The following MDGA1 variants were observed in gnomAD, a reference collection of about 807,000 sequenced individuals.
MDGA1 encodes the protein MAM domain containing glycosylphosphatidylinositol anchor 1.
MDGA1 carries 54 observed loss-of-function variants against 101.5 expected under a neutral mutation model. That is an observed-to-expected ratio of 0.53 (90% CI 0.43 to 0.67). The LOEUF (loss-of-function observed/expected upper bound fraction) is 0.67, where lower values mean the gene tolerates loss of function less well. Among genes scored for constraint, MDGA1 ranks in the 30% least tolerant of loss-of-function variants. The probability of loss-of-function intolerance (pLI) is 0.00; values close to 1 mark genes in which losing one functional copy is unlikely to be tolerated. For missense variants in MDGA1, 1,083 were observed against 1,323.8 expected (o/e 0.82, Z 2.82); for synonymous variants, 533 against 558.3 (o/e 0.95, Z 0.64).
At chr6:37,644,059 A>C (rs1764160525) in intron 13 of MDGA1, 116 bp from the exon 14 acceptor site, 1 of 1,310,650 alleles carries the variant, frequency 7.6e-7, no homozygotes. Flanking sequence ...CGCCCCACGC[A>C]TCCTGCCTCA....
At position 37,632,928 on chromosome 6, in the gene MDGA1, A is replaced by G. The variant is rs905765266; in HGVS notation, c.*4440T>C. 4.6e-5 allele frequency: 7 copies of G among 152,660 alleles called. No individual in the cohort carries two copies. Among genetic ancestry groups the G allele is most frequent in the African/African-American group, 1.7e-4 (7 of 41,398 alleles). 9.5% of individuals were successfully genotyped at this position (152,660 alleles called of 1,614,324 possible). A position where few individuals can be genotyped will look rare whatever the true frequency, so the allele number is the denominator to read the frequency against. ...ATGCATGGAGACCTAGAGGGCCACCAGAGTTGGGCTGAGATGGTGATTATG... is the reference window on the plus strand; with the variant it reads ...ATGCATGGAGACCTAGAGGGCCACCGGAGTTGGGCTGAGATGGTGATTATG... On this transcript the variant is annotated 3_prime_UTR_variant, in exon 17 of 17. Transcript: ENST00000434837.
At position 37,658,366 on chromosome 6, in the gene MDGA1, C is replaced by G. The variant is rs2273110; in HGVS notation, c.261G>C (p.Ser87=). 3.7e-5 allele frequency: 59 copies of G among 1,612,638 alleles called. No individual in the cohort carries two copies. The highest frequency in any genetic ancestry group is 4.3e-5 in the Non-Finnish European group (51 of 1,179,428). ...GSASDKFQET[S]VFNETLRIER... ...CGATGCGCAGCGTCTCGTTGAACACCGATGTCTCCTGGAACTTGTCCGAGG... is the reference window on the plus strand; with the variant it reads ...CGATGCGCAGCGTCTCGTTGAACACGGATGTCTCCTGGAACTTGTCCGAGG... Residue 87 remains serine (S), a synonymous_variant, in exon 3 of 17, where the codon TCG becomes TCC. Coordinates refer to ENST00000434837, the MANE Select transcript of MDGA1 (RefSeq NM_153487.4).
chr6:37,649,845 C>G (rs940322377), intron 8 of MDGA1: 1 of 671,164 alleles, frequency 1.5e-6, no homozygotes, highest in East Asian at 2.9e-5. Context: ...TTCAAAATCC[C>G]ATTTCCACCT....
intron 1 of MDGA1, among the ~76,000 whole-genome samples, chr6:37,665,443 C>T (rs990429821): frequency 6.6e-6 from 1 of 152,198 alleles, no homozygotes; most frequent in Non-Finnish European, 1.5e-5. Flanking sequence ...GGACCTAAGG[C>T]CATGCGAGGC....
chr6:37,676,468 G>A (rs1024374828), intron 1 of MDGA1, among the ~76,000 whole-genome samples: 2 of 152,256 alleles, frequency 1.3e-5, no homozygotes, highest in African/African-American at 4.8e-5. Context: ...AGGCCTGAAT[G>A]TAGGGGCCAA....
chr6:37,680,499 C>G (rs954651078), intron 1 of MDGA1, among the ~76,000 whole-genome samples: 1 of 152,208 alleles, frequency 6.6e-6, no homozygotes, highest in African/African-American at 2.4e-5. Context: ...TGAAGACGAC[C>G]GGACCCTGCA....
intron 1 of MDGA1, among the ~76,000 whole-genome samples, chr6:37,692,916 G>A (rs77314743): frequency 0.013 from 1,930 of 152,298 alleles, 45 homozygotes; most frequent in African/African-American, 0.044. Context: ...TTCCCATCCT[G>A]TAATGTCGGA....
At chr6:37,644,442 C>CCTAGA in intron 13 of MDGA1, 55 bp downstream of exon 13, 1 of 1,468,770 alleles carries the variant, frequency 6.8e-7, no homozygotes, top group East Asian at 2.6e-5. Context: ...GTGCCCTGGG[C>CCTAGA]CTAGACACCC....
intron 7 of MDGA1, among the ~76,000 whole-genome samples, chr6:37,650,971 A>C (rs955771592): frequency 6.6e-6 from 1 of 152,244 alleles, no homozygotes; most frequent in Non-Finnish European, 1.5e-5. Context: ...AGGGCGTTTA[A>C]AAGAAGCTGT....
Position 37,650,269 on chromosome 6 carries a change from T to C in MDGA1, c.1449A>G (p.Ala483=), listed in dbSNP as rs1047020164. Residue 483 remains alanine (A), a synonymous_variant, in exon 8 of 17, where the codon GCA becomes GCG. Transcript: ENST00000434837. ...VLWSRVDKEA[A]LLPSGLPLEE... Reference sequence around the variant, plus strand: ...CCAGGGGCAGCCCCGAGGGCAGCAGTGCAGCCTCCTTGTCCACGCGGGACC... The same window carrying C: ...CCAGGGGCAGCCCCGAGGGCAGCAGCGCAGCCTCCTTGTCCACGCGGGACC... The C allele has an allele frequency of 2.2e-5, 35 of 1,608,258 alleles. No homozygotes were observed. Among genetic ancestry groups the C allele is most frequent in the Non-Finnish European group, 2.9e-5 (34 of 1,178,750 alleles).
At chr6:37,684,792 G>C (rs954225012) in intron 1 of MDGA1, among the ~76,000 whole-genome samples, 3 of 152,152 alleles carry the variant, frequency 2.0e-5, no homozygotes, top group Non-Finnish European at 2.9e-5. Flanking sequence ...AGTGAATTCA[G>C]GTCTTGCCGT....
intron 16 of MDGA1, among the ~76,000 whole-genome samples, 170 bp from the exon 17 acceptor site, chr6:37,637,629 C>G (rs10456455): frequency 2.0e-5 from 3 of 151,940 alleles, no homozygotes; most frequent in Non-Finnish European, 2.9e-5. Flanking sequence ...CATGAGGTGG[C>G]GTGGGGTGGG....
rs572047108 is a variant in MDGA1, at chr6:37,638,339, G to A, written c.2668-26C>T. 1.3e-6 allele frequency: 2 copies of A among 1,580,396 alleles called. No homozygotes were observed. Among genetic ancestry groups the A allele is most frequent in the South Asian group, 1.2e-5 (1 of 86,480 alleles). On this transcript the variant is annotated intron_variant, in intron 15 of 16. Coordinates refer to ENST00000434837, the MANE Select transcript of MDGA1 (RefSeq NM_153487.4). The surrounding 1 kb of genome is among the most constrained non-coding windows in gnomAD (Gnocchi z 4.8). ...CTGGGGTGGGGTCAGAAAGCAAGGA[G>A]CAAGGGTTGAGGAGGTTCTGCTGGG... is the stretch of plus-strand genomic sequence containing the variant.
rs568646422 is a variant in MDGA1, at chr6:37,649,579, G to A, written c.1610-313C>T. Among the ~76,000 whole-genome samples, 4 of 152,172 alleles carry A rather than the reference G, an allele frequency of 2.6e-5. No homozygotes were observed. The East Asian group carries it at 7.7e-4, about 29-fold the overall frequency. ...ATGCAGGATAACGCAGGGGTTTCGC[G>A]CATAATCTCTAAAGCTAGATGGGCT... On this transcript the variant is annotated intron_variant, in intron 8 of 16. Coordinates refer to ENST00000434837, the MANE Select transcript of MDGA1 (RefSeq NM_153487.4).
At position 37,655,721 on chromosome 6, in the gene MDGA1, G is replaced by A. The variant is rs749731140; in HGVS notation, c.558C>T (p.Ile186=). Residue 186 remains isoleucine, a synonymous_variant, in exon 4 of 17, where the codon ATC becomes ATT. Coordinates refer to ENST00000434837, the MANE Select transcript of MDGA1 (RefSeq NM_153487.4). This position sits in a 1 kb window ranked among gnomAD's most constrained non-coding sequence, Gnocchi z 5.1. The stretch of plus-strand genomic sequence containing the variant: ...TGACCTGAGTGTAGAGGGGCTCATA[G>A]ATGTCAACCCCATTGTCCTGGCTGT... ...LSHSQDNGVD[I]YEPLYTQGET... The A allele has an allele frequency of 6.2e-7, 1 of 1,611,804 alleles. No individual in the cohort carries two copies. Among genetic ancestry groups the A allele is most frequent in the Non-Finnish European group, 8.5e-7 (1 of 1,178,864 alleles).
At position 37,654,505 on chromosome 6, in the gene MDGA1, C is replaced by G. The variant is rs780937948; in HGVS notation, c.751G>C (p.Val251Leu). The G allele has an allele frequency of 1.2e-6, 2 of 1,613,914 alleles. No individual in the cohort carries two copies. The highest frequency in any genetic ancestry group is 3.3e-5 in the Admixed American group (2 of 60,014). ...ALKLSVNETL[V>L]VNPGENVTVQ... ...GTCACATTCTCCCCAGGGTTCACCACCAGAGTTTCGTTCACAGACAGCTTC... is the reference window on the plus strand; with the variant it reads ...GTCACATTCTCCCCAGGGTTCACCAGCAGAGTTTCGTTCACAGACAGCTTC... The change falls in exon 6 of 17, where the codon GTG becomes CTG. Residue 251 changes from valine (V) to leucine (L), a missense_variant. Val to Leu is a conservative substitution (Grantham distance 32, BLOSUM62 1). Transcript: ENST00000434837.
intron 1 of MDGA1, among the ~76,000 whole-genome samples, chr6:37,679,101 C>T (rs1458676350): frequency 1.3e-5 from 2 of 152,066 alleles, no homozygotes; most frequent in African/African-American, 2.4e-5. Flanking sequence ...TATTTTTTCT[C>T]CATCACTGAA....
At position 37,670,496 on chromosome 6, in the gene MDGA1, G is replaced by A. The variant is rs567896472; in HGVS notation, c.68-6390C>T. Among the ~76,000 whole-genome samples the A allele has an allele frequency of 4.6e-5, 7 of 152,236 alleles. No homozygotes were observed. The South Asian group carries it at 1.4e-3, about 31-fold the overall frequency. On this transcript the variant is annotated intron_variant, in intron 1 of 16. Coordinates refer to ENST00000434837, the MANE Select transcript of MDGA1 (RefSeq NM_153487.4). ...CACTTGGCTGTGTGGCTTTCAGCAAGTTACTTAAGCCTTAGTTTTCTCATT... is the reference window on the plus strand; with the variant it reads ...CACTTGGCTGTGTGGCTTTCAGCAAATTACTTAAGCCTTAGTTTTCTCATT...
Position 37,645,660 on chromosome 6 carries a change from G to A in MDGA1, c.2248+273C>T, listed in dbSNP as rs144018293. Among the ~76,000 whole-genome samples, 17 of 152,294 alleles carry A rather than the reference G, an allele frequency of 1.1e-4. 1 individual carries two copies. The highest frequency in any genetic ancestry group is 7.8e-4 in the Admixed American group (12 of 15,300). Reference sequence around the variant, plus strand: ...GAACCCCTGACTCAGGCAACAAGGGGTGTAGATGAGCCCAGCCTCTCCTTT... The same window carrying A: ...GAACCCCTGACTCAGGCAACAAGGGATGTAGATGAGCCCAGCCTCTCCTTT... On this transcript the variant is annotated intron_variant, in intron 12 of 16. Coordinates refer to ENST00000434837, the MANE Select transcript of MDGA1 (RefSeq NM_153487.4).
Sources: allele counts gnomAD v4.1 joint callset (sites outside exome capture counted in the v4.1 genomes callset), GRCh38; gene constraint gnomAD v4.1.1; non-coding constraint Gnocchi (gnomAD v3.1); transcripts MANE v1.5; gene names NCBI Gene and HGNC (gene_info 2026-07-23, HGNC 2026-07-21).